Variants in MAP3K3 observed in about 807,000 individuals in gnomAD.
MAP3K3 encodes the protein mitogen-activated protein kinase kinase kinase 3.
Under a neutral mutation model 80.9 loss-of-function variants are expected in MAP3K3, and 12 were observed. The ratio of observed to expected loss-of-function variants is 0.15; its 90% CI spans 0.10 to 0.24. The LOEUF (loss-of-function observed/expected upper bound fraction) is 0.24, where lower values mean the gene tolerates loss of function less well. Among genes scored for constraint, MAP3K3 ranks in the 10% least tolerant of loss-of-function variants. The probability of loss-of-function intolerance (pLI) is 1.00; values close to 1 mark genes in which losing one functional copy is unlikely to be tolerated. For synonymous variants in MAP3K3, 272 were observed against 307.1 expected (o/e 0.89, Z 1.19); for missense variants, 596 against 834.7 (o/e 0.71, Z 3.52).
intron 6 of MAP3K3, among the ~76,000 whole-genome samples, chr17:63,678,514 C>G (rs1391227778): frequency 1.6e-4 from 25 of 152,294 alleles, no homozygotes; most frequent in African/African-American, 5.8e-4. Context: ...AATTTTGTTT[C>G]TGGCCTTTGC....
chr17:63,670,411 C>T (rs763933046), intron 6 of MAP3K3, among the ~76,000 whole-genome samples: 1 of 151,640 alleles, frequency 6.6e-6, no homozygotes, highest in African/African-American at 2.4e-5. Flanking sequence ...AGTAAAACCC[C>T]GTCACTAATA....
Position 63,671,260 on chromosome 17 carries a change from C to CTT in MAP3K3, c.502+4213_502+4214dup, listed in dbSNP as rs56093750. Reference sequence around the variant, plus strand: ...GACCCTGTGAGTTCAAAATTATTTTCTTTTTTTTTTTTTTGTGACGGAGTC... The same window carrying CTT: ...GACCCTGTGAGTTCAAAATTATTTTCTTTTTTTTTTTTTTTTGTGACGGAGTC... On this transcript the variant is annotated intron_variant, in intron 6 of 15. Transcript: ENST00000361733. Among the ~76,000 whole-genome samples the CTT allele has an allele frequency of 1.6e-3, 224 of 141,160 alleles. 3 individuals carry two copies. The highest frequency in any genetic ancestry group is 4.3e-3 in the African/African-American group (163 of 37,952). The allele number at this position is 141,160 out of a possible 152,430, so 92.6% of individuals were successfully genotyped here. A position where few individuals can be genotyped will look rare whatever the true frequency, so the allele number is the denominator to read the frequency against.
At position 63,691,612 on chromosome 17, in the gene MAP3K3, T is replaced by C; in HGVS notation, c.1345-121T>C. On this transcript the variant is annotated intron_variant, in intron 13 of 15. Transcript: ENST00000361733. This position sits in a 1 kb window ranked among gnomAD's most constrained non-coding sequence, Gnocchi z 4.8. ...CCTGACAGCTCCTGGCAAAATGCCC[T>C]GCCCAGCCAGATAGGAATTGAACAA... The C allele has an allele frequency of 7.0e-7, 1 of 1,419,704 alleles. No homozygotes were observed. The highest frequency in any genetic ancestry group is 1.4e-5 in the South Asian group (1 of 73,572). 87.9% of individuals were successfully genotyped at this position (1,419,704 alleles called of 1,614,324 possible).
At chr17:63,628,057 C>T (rs2034139559) in intron 1 of MAP3K3, among the ~76,000 whole-genome samples, 2 of 151,856 alleles carry the variant, frequency 1.3e-5, no homozygotes, top group African/African-American at 2.4e-5. Flanking sequence ...AGGTGTGCAC[C>T]ACCACGCCCA....
At chr17:63,688,664 C>G in intron 9 of MAP3K3, 70 bp downstream of exon 9, 2 of 1,500,250 alleles carry the variant, frequency 1.3e-6, no homozygotes, top group Non-Finnish European at 1.9e-6. Flanking sequence ...TCTGCTTCGA[C>G]TTTTCTGAGT....
chr17:63,641,050 G>T (rs1355548217), intron 2 of MAP3K3, among the ~76,000 whole-genome samples: 1 of 152,082 alleles, frequency 6.6e-6, no homozygotes, highest in Non-Finnish European at 1.5e-5. Flanking sequence ...TTGGCCCCAA[G>T]AATTTTGGCT....
chr17:63,657,934 A>G, intron 5 of MAP3K3, 27 bp downstream of exon 5: 1 of 1,306,754 alleles, frequency 7.7e-7, no homozygotes, highest in Non-Finnish European at 1.1e-6. Context: ...ATGGTCTGGC[A>G]GCTGAAGACA....
At chr17:63,641,304 G>A (rs566124273) in intron 2 of MAP3K3, among the ~76,000 whole-genome samples, 6 of 150,948 alleles carry the variant, frequency 4.0e-5, no homozygotes, top group Admixed American at 6.6e-5. Flanking sequence ...GTGCAGTGGC[G>A]TGATCTCGGC....
intron 3 of MAP3K3, among the ~76,000 whole-genome samples, chr17:63,651,997 G>A (rs906667804): frequency 1.3e-5 from 2 of 152,114 alleles, no homozygotes; most frequent in Non-Finnish European, 2.9e-5. Context: ...CAGTCTGTAC[G>A]TTTTCTACCT....
In MAP3K3 at chr17:63,695,962, TG is replaced by T. The variant is rs1468822746; in HGVS notation, c.*2186del. On this transcript the variant is annotated 3_prime_UTR_variant, in exon 16 of 16. Transcript: ENST00000361733. The surrounding 1 kb of genome is among the most constrained non-coding windows in gnomAD (Gnocchi z 4.1). ...GATAAAAAGTTGTGGGGCTTCAGGGTGACCTGGGCCCAAAGGTTCTGAAGGG... is the reference window on the plus strand; with the variant it reads ...GATAAAAAGTTGTGGGGCTTCAGGGTACCTGGGCCCAAAGGTTCTGAAGGG... 6.6e-6 allele frequency: 1 copy of T among 152,608 alleles called. No individual in the cohort carries two copies. The highest frequency in any genetic ancestry group is 2.4e-5 in the African/African-American group (1 of 41,464). The allele number at this position is 152,608 out of a possible 1,614,324, so 9.5% of individuals were successfully genotyped here.
intron 3 of MAP3K3, among the ~76,000 whole-genome samples, chr17:63,649,878 T>C (rs2034615239): frequency 6.6e-6 from 1 of 152,250 alleles, no homozygotes; most frequent in Admixed American, 6.5e-5. Flanking sequence ...TGGTCAGATT[T>C]TATTAAAACC....
At chr17:63,666,507 A>G (rs992516255) in intron 5 of MAP3K3, among the ~76,000 whole-genome samples, 1 of 152,150 alleles carries the variant, frequency 6.6e-6, no homozygotes, top group Non-Finnish European at 1.5e-5. Flanking sequence ...TATAGCAACC[A>G]GAATTTTGTT....
intron 7 of MAP3K3, among the ~76,000 whole-genome samples, chr17:63,684,293 C>T (rs528909231): frequency 1.3e-5 from 2 of 152,338 alleles, no homozygotes; most frequent in African/African-American, 4.8e-5. Flanking sequence ...TATTCTTCCT[C>T]CACCACACCT....
Position 63,657,865 on chromosome 17 carries a change from GA to G in MAP3K3, c.343del (p.Ser115AlafsTer37). The G allele has an allele frequency of 6.2e-7, 1 of 1,609,394 alleles. No individual in the cohort carries two copies. Among genetic ancestry groups the G allele is most frequent in the Non-Finnish European group, 8.5e-7 (1 of 1,177,000 alleles). ...ACATTTTAGATAGAAGCTCAAGCATGAAAAGCCTTAGGATATTGCTGTTGTC... is the reference window on the plus strand; with the variant it reads ...ACATTTTAGATAGAAGCTCAAGCATGAAAGCCTTAGGATATTGCTGTTGTC... ...IDILDRSSSM[K>X]SLRILLLSQD... On this transcript the variant is annotated frameshift_variant, in exon 5 of 16. Coordinates refer to ENST00000361733, the MANE Select transcript of MAP3K3 (RefSeq NM_002401.5). LOFTEE classifies it high-confidence loss of function.
chr17:63,690,653 C>A (rs181555934), intron 12 of MAP3K3: 307 of 508,600 alleles, frequency 6.0e-4, no homozygotes, highest in Non-Finnish European at 9.3e-4. Flanking sequence ...TACCAAGTAA[C>A]CCAAACTGAG....
At position 63,688,510 on chromosome 17, in the gene MAP3K3, C is replaced by A. The variant is rs754354108; in HGVS notation, c.711-17C>A. The A allele has an allele frequency of 1.2e-6, 2 of 1,612,458 alleles. No homozygotes were observed. The highest frequency in any genetic ancestry group is 2.2e-5 in the South Asian group (2 of 91,044). On this transcript the variant is annotated splice_polypyrimidine_tract_variant and intron_variant, in intron 8 of 15. Coordinates refer to ENST00000361733, the MANE Select transcript of MAP3K3 (RefSeq NM_002401.5). ...GGAAGTGTGCGGGAGTCTGTTTTTTCTTTTTGTTTTCTCCAGCCCATCCTT... is the reference window on the plus strand; with the variant it reads ...GGAAGTGTGCGGGAGTCTGTTTTTTATTTTTGTTTTCTCCAGCCCATCCTT...
chr17:63,640,914 C>T (rs2034428514), intron 2 of MAP3K3, among the ~76,000 whole-genome samples: 1 of 152,190 alleles, frequency 6.6e-6, no homozygotes, highest in Admixed American at 6.5e-5. Flanking sequence ...CTTGAGCATT[C>T]TGCCTCTACC....
At position 63,693,425 on chromosome 17, in the gene MAP3K3, C is replaced by G; in HGVS notation, c.1653-124C>G. 1.3e-6 allele frequency: 1 copy of G among 745,238 alleles called. No homozygotes were observed. The highest frequency in any genetic ancestry group is 2.2e-6 in the Non-Finnish European group (1 of 452,540). The allele number at this position is 745,238 out of a possible 1,614,324, so 46.2% of individuals were successfully genotyped here. On this transcript the variant is annotated intron_variant, in intron 15 of 15. Transcript: ENST00000361733. The surrounding 1 kb of genome is among the most constrained non-coding windows in gnomAD (Gnocchi z 4.2). ...GGACAGACATCCAAGCTGAGGTATC[C>G]CTCAGCTTGGCCTGTCCTGCACCTC...
intron 2 of MAP3K3, among the ~76,000 whole-genome samples, chr17:63,636,291 C>T (rs1248169174): frequency 6.6e-6 from 1 of 152,194 alleles, no homozygotes; most frequent in Admixed American, 6.5e-5. Flanking sequence ...GAGCTATTAA[C>T]AATTTTCTAG....
Sources: gnomAD v4.1 joint callset for allele counts (sites outside exome capture counted in the v4.1 genomes callset) on GRCh38, gnomAD v4.1.1 for gene constraint, Gnocchi (gnomAD v3.1) non-coding constraint, MANE v1.5 for transcripts, NCBI Gene and HGNC (gene_info 2026-07-23, HGNC 2026-07-21) for gene names.